Variants in CACNA2D3 observed in about 807,000 individuals in gnomAD.
The protein encoded by CACNA2D3 is calcium voltage-gated channel auxiliary subunit alpha2delta 3.
Under a neutral mutation model 160.6 loss-of-function variants are expected in CACNA2D3, and 60 were observed. The observed-to-expected ratio is 0.37, with a 90% CI of 0.30 to 0.46. The LOEUF (loss-of-function observed/expected upper bound fraction) is 0.46. Among genes scored for constraint, CACNA2D3 ranks in the 20% least tolerant of loss-of-function variants. CACNA2D3 has a pLI of 1.00. For missense variants in CACNA2D3, 1,205 were observed against 1,365.0 expected, an observed-to-expected ratio of 0.88 and a Z score of 1.85; for synonymous variants, 558 against 492.9, an observed-to-expected ratio of 1.13 and a Z score of -1.75.
intron 4 of CACNA2D3, among the ~76,000 whole-genome samples, chr3:54,425,222 C>T (rs1699894585): frequency 6.6e-6 from 1 of 152,204 alleles, no homozygotes; most frequent in Non-Finnish European, 1.5e-5. Flanking sequence ...ATCCCAGCTA[C>T]TCAGGAAGCT....
chr3:54,271,286 C>T (rs1441539228), intron 2 of CACNA2D3, among the ~76,000 whole-genome samples: 2 of 151,904 alleles, frequency 1.3e-5, no homozygotes, highest in Non-Finnish European at 2.9e-5. Context: ...CTCTGCCTTC[C>T]GCTCACAGAC....
At chr3:54,132,066 C>T (rs548805098) in intron 2 of CACNA2D3, among the ~76,000 whole-genome samples, 37 of 152,344 alleles carry the variant, frequency 2.4e-4, no homozygotes, top group African/African-American at 8.4e-4. Context: ...GCTTTACGCT[C>T]AGCCTCCTAC....
intron 2 of CACNA2D3, among the ~76,000 whole-genome samples, chr3:54,289,798 G>A (rs1703138314): frequency 6.6e-6 from 1 of 152,044 alleles, no homozygotes; most frequent in African/African-American, 2.4e-5. Context: ...AGAAAAACAA[G>A]TAATGGGGAA....
chr3:54,876,492 G>A (rs765254474), intron 18 of CACNA2D3, among the ~76,000 whole-genome samples: 9 of 152,168 alleles, frequency 5.9e-5, no homozygotes, highest in Non-Finnish European at 1.0e-4. Context: ...CAGGAAGTTA[G>A]GACCTCAGAC....
chr3:54,999,701 T>A (rs1311958459), intron 31 of CACNA2D3, among the ~76,000 whole-genome samples: 1 of 152,244 alleles, frequency 6.6e-6, no homozygotes, highest in East Asian at 1.9e-4. Flanking sequence ...CCACAGTTGC[T>A]AACCACCCCT....
At chr3:54,533,836 G>T (rs564135040) in intron 5 of CACNA2D3, among the ~76,000 whole-genome samples, 13 of 151,824 alleles carry the variant, frequency 8.6e-5, no homozygotes, top group African/African-American at 3.1e-4. Context: ...TGTTAATAGG[G>T]TGTGTAAATG....
chr3:54,444,609 C>A (rs915409703), intron 4 of CACNA2D3, among the ~76,000 whole-genome samples: 1 of 152,164 alleles, frequency 6.6e-6, no homozygotes, highest in Non-Finnish European at 1.5e-5. Flanking sequence ...ATCAAGGAGG[C>A]CACATAACAT....
chr3:54,193,860 C>T (rs1701025011), intron 2 of CACNA2D3, among the ~76,000 whole-genome samples: 1 of 152,224 alleles, frequency 6.6e-6, no homozygotes, highest in Admixed American at 6.5e-5. Flanking sequence ...GTCATTGCTT[C>T]TCTGTGCCTC....
In CACNA2D3 at chr3:54,537,363, GA is replaced by G. The variant is rs539939924; in HGVS notation, c.545-25434del. Reference sequence around the variant, plus strand: ...CCTCTCCATGCTTAGGAACTTGGAGGAAATGCTTCAAACACACGTACCCCGT... The same window carrying G: ...CCTCTCCATGCTTAGGAACTTGGAGGAATGCTTCAAACACACGTACCCCGT... On this transcript the variant is annotated intron_variant, in intron 5 of 37. Coordinates refer to ENST00000474759, the MANE Select transcript of CACNA2D3 (RefSeq NM_018398.3). 1.4e-4 allele frequency among the ~76,000 whole-genome samples: 21 copies of G among 152,162 alleles called. No individual in the cohort carries two copies. The South Asian group carries it at 4.4e-3, about 32-fold the overall frequency.
At chr3:54,713,752 A>G (rs1182392852) in intron 11 of CACNA2D3, among the ~76,000 whole-genome samples, 1 of 152,202 alleles carries the variant, frequency 6.6e-6, no homozygotes, top group Non-Finnish European at 1.5e-5. Context: ...GCAAATAATT[A>G]AAGTTGAGAG....
chr3:54,289,982 C>CA (rs1703144856), intron 2 of CACNA2D3, among the ~76,000 whole-genome samples: 1 of 151,368 alleles, frequency 6.6e-6, no homozygotes, highest in African/African-American at 2.4e-5. Context: ...CATTACCATT[C>CA]AGGACATAGG....
At chr3:54,426,320 T>G (rs1196176185) in intron 4 of CACNA2D3, among the ~76,000 whole-genome samples, 1 of 152,220 alleles carries the variant, frequency 6.6e-6, no homozygotes, top group Non-Finnish European at 1.5e-5. Context: ...AGCTCTAAGT[T>G]ATGTTGTTGT....
intron 2 of CACNA2D3, among the ~76,000 whole-genome samples, chr3:54,272,139 C>T (rs1702635344): frequency 1.3e-5 from 2 of 152,130 alleles, no homozygotes; most frequent in Admixed American, 1.3e-4. Flanking sequence ...TGGACATGGC[C>T]CCGCCACCCC....
At position 54,882,473 on chromosome 3, in the gene CACNA2D3, A is replaced by G. The variant is rs115896597; in HGVS notation, c.1912+1610A>G. Among the ~76,000 whole-genome samples, 431 of 152,202 alleles carry G rather than the reference A, an allele frequency of 2.8e-3. 3 individuals carry two copies. Among genetic ancestry groups the G allele is most frequent in the African/African-American group, 9.3e-3 (386 of 41,516 alleles). ...TCTTTTGGATTCTTTTTCAGTCACT[A>G]TCTTCCTGTATGTTCCACAGCTGTG... On this transcript the variant is annotated intron_variant, in intron 21 of 37. Transcript: ENST00000474759.
At chr3:54,613,253 C>A (rs1698781618) in intron 9 of CACNA2D3, among the ~76,000 whole-genome samples, 1 of 152,204 alleles carries the variant, frequency 6.6e-6, no homozygotes, top group Non-Finnish European at 1.5e-5. Flanking sequence ...TATCTTTGAT[C>A]TTCCAACAGT....
intron 35 of CACNA2D3, among the ~76,000 whole-genome samples, chr3:55,043,324 C>CCCTT (rs1703998253): frequency 6.9e-6 from 1 of 144,944 alleles, no homozygotes; most frequent in Non-Finnish European, 1.5e-5. Flanking sequence ...CTCCCTCCCT[C>CCCTT]TCTTTCTTTC....
intron 27 of CACNA2D3, among the ~76,000 whole-genome samples, chr3:54,954,217 G>C (rs1446554182): frequency 6.6e-6 from 1 of 152,126 alleles, no homozygotes; most frequent in African/African-American, 2.4e-5. Flanking sequence ...CAGTGCTATG[G>C]CCTCCTCATT....
At chr3:54,962,116 G>A (rs4955911) in intron 27 of CACNA2D3, among the ~76,000 whole-genome samples, 58,301 of 151,912 alleles carry the variant, frequency 0.38, 12,776 homozygotes, top group East Asian at 0.54. Context: ...CAGAGTCCTC[G>A]GGACCCAATC....
intron 11 of CACNA2D3, among the ~76,000 whole-genome samples, chr3:54,692,119 A>G (rs529716940): frequency 6.6e-6 from 1 of 152,188 alleles, no homozygotes; most frequent in African/African-American, 2.4e-5. Flanking sequence ...GACTACAGGC[A>G]TGCGCCACCA....
Sources: allele counts gnomAD v4.1 joint callset (sites outside exome capture counted in the v4.1 genomes callset), GRCh38; gene constraint gnomAD v4.1.1; transcripts MANE v1.5; gene names NCBI Gene and HGNC (gene_info 2026-07-23, HGNC 2026-07-21).